The following TRPM3 variants were observed in gnomAD, a reference collection of about 807,000 sequenced individuals.
TRPM3 encodes transient receptor potential cation channel subfamily M member 3.
TRPM3 carries 77 observed loss-of-function variants against 181.2 expected under a neutral mutation model. The observed-to-expected ratio is 0.42, with a 90% CI of 0.35 to 0.51. The LOEUF (loss-of-function observed/expected upper bound fraction) is 0.51, where lower values mean the gene tolerates loss of function less well. Among genes scored for constraint, TRPM3 ranks in the 20% least tolerant of loss-of-function variants. TRPM3 has a pLI of 0.01. For synonymous variants in TRPM3, 745 were observed against 796.4 expected (o/e 0.94, Z 1.09); for missense variants, 1,759 against 2,196.7 (o/e 0.80, Z 3.98).
At chr9:71,032,533 T>C (rs563249578) in intron 1 of TRPM3, among the ~76,000 whole-genome samples, 1 of 152,200 alleles carries the variant, frequency 6.6e-6, no homozygotes, top group South Asian at 2.1e-4. Flanking sequence ...CAATGTATTT[T>C]GAGGTAGTGA....
intron 9 of TRPM3, among the ~76,000 whole-genome samples, chr9:70,663,804 T>C (rs2061443777): frequency 6.6e-6 from 1 of 152,196 alleles, no homozygotes; most frequent in South Asian, 2.1e-4. Context: ...GCAATTCTGA[T>C]CTGTGTCTGG....
intron 1 of TRPM3, among the ~76,000 whole-genome samples, chr9:70,992,470 T>TG (rs2097497628): frequency 6.6e-6 from 1 of 152,200 alleles, no homozygotes; most frequent in African/African-American, 2.4e-5. Flanking sequence ...GGGTACTGTC[T>TG]GGGGATTCAG....
rs1056632445 is a variant in TRPM3, at chr9:70,927,897, G to A, written c.178-63386C>T. 1.9e-4 allele frequency among the ~76,000 whole-genome samples: 29 copies of A among 152,094 alleles called. 1 individual carries two copies. The highest frequency in any genetic ancestry group is 7.0e-4 in the African/African-American group (29 of 41,414). On this transcript the variant is annotated intron_variant, in intron 1 of 25. Coordinates refer to ENST00000677713, the MANE Select transcript of TRPM3 (RefSeq NM_001366145.2). Reference sequence around the variant, plus strand: ...AGCTTTCTTACTTCCCACCAATTAAGTTTCTAATAACACCTATAGGCAATC... The same window carrying A: ...AGCTTTCTTACTTCCCACCAATTAAATTTCTAATAACACCTATAGGCAATC...
intron 1 of TRPM3, among the ~76,000 whole-genome samples, chr9:71,256,998 G>T (rs1204525216): frequency 6.6e-6 from 1 of 152,072 alleles, no homozygotes; most frequent in East Asian, 1.9e-4. Context: ...ATCTTACAAC[G>T]AAGAACCCTA....
chr9:71,311,466 T>C (rs1365789255), intron 1 of TRPM3, among the ~76,000 whole-genome samples: 7 of 152,122 alleles, frequency 4.6e-5, no homozygotes, highest in African/African-American at 1.7e-4. Context: ...CACATCAATA[T>C]AGTCAGCTGA....
chr9:70,878,022 G>A (rs1001232179), intron 1 of TRPM3, among the ~76,000 whole-genome samples: 2 of 151,886 alleles, frequency 1.3e-5, no homozygotes, highest in African/African-American at 4.8e-5. Flanking sequence ...ACACACTGAT[G>A]TGCACATTAA....
chr9:71,127,513 C>G (rs754496487), intron 1 of TRPM3, among the ~76,000 whole-genome samples: 1 of 152,188 alleles, frequency 6.6e-6, no homozygotes, highest in Non-Finnish European at 1.5e-5. Flanking sequence ...TAAGTGCCTC[C>G]TCTTACCCAC....
At chr9:70,774,847 G>A (rs952697483) in intron 7 of TRPM3, 6 of 149,330 alleles carry the variant, frequency 4.0e-5, no homozygotes, top group East Asian at 1.9e-4. Flanking sequence ...AATTAGGATA[G>A]TGCAAAAAGA....
At chr9:71,106,912 C>A (rs1187013591) in intron 1 of TRPM3, among the ~76,000 whole-genome samples, 1 of 152,124 alleles carries the variant, frequency 6.6e-6, no homozygotes, top group Admixed American at 6.5e-5. Flanking sequence ...TACAGTGTAA[C>A]CCTCTTAATA....
At chr9:70,683,636 TGTGATCTCTGGTAA>T (rs2066054550) in intron 8 of TRPM3, among the ~76,000 whole-genome samples, 2 of 152,094 alleles carry the variant, frequency 1.3e-5, no homozygotes, top group South Asian at 4.2e-4. Context: ...AGGTTATAGT[TGTGATCTCTGGTAA>T]GGGCCGTCAG....
chr9:71,444,745 A>T (rs899086621), intron 1 of TRPM3, among the ~76,000 whole-genome samples: 1 of 152,050 alleles, frequency 6.6e-6, no homozygotes, highest in Non-Finnish European at 1.5e-5. Flanking sequence ...TGAAGTCAAA[A>T]CTCTTTGTTA....
At chr9:70,813,917 C>G (rs2092416531) in intron 6 of TRPM3, among the ~76,000 whole-genome samples, 1 of 152,190 alleles carries the variant, frequency 6.6e-6, no homozygotes, top group Non-Finnish European at 1.5e-5. Flanking sequence ...TCAATCAACA[C>G]TAGTTGTTAT....
chr9:71,132,100 G>A (rs1012565661), intron 1 of TRPM3, among the ~76,000 whole-genome samples: 7 of 152,154 alleles, frequency 4.6e-5, no homozygotes, highest in African/African-American at 9.7e-5. Context: ...AATAGAAACC[G>A]ATGTTGATGC....
At chr9:71,096,590 A>ACACACACACT (rs1452142664) in intron 1 of TRPM3, among the ~76,000 whole-genome samples, 131 of 90,026 alleles carry the variant, frequency 1.5e-3, no homozygotes, top group East Asian at 0.01. Context: ...ACACACACAC[A>ACACACACACT]CTCTCTCTCT....
At chr9:70,572,327 G>A (rs923782163) in intron 22 of TRPM3, among the ~76,000 whole-genome samples, 8 of 152,098 alleles carry the variant, frequency 5.3e-5, no homozygotes, top group African/African-American at 1.4e-4. Context: ...CCCAGTCTCC[G>A]TTAATGCTAA....
chr9:70,871,246 A>T (rs1016456244), intron 1 of TRPM3, among the ~76,000 whole-genome samples: 3 of 151,966 alleles, frequency 2.0e-5, no homozygotes, highest in African/African-American at 2.4e-5. Flanking sequence ...TTGATTGTAG[A>T]TAATATTCTC....
intron 6 of TRPM3, among the ~76,000 whole-genome samples, chr9:70,784,494 C>T (rs999723594): frequency 1.3e-5 from 2 of 152,086 alleles, no homozygotes; most frequent in Non-Finnish European, 2.9e-5. Flanking sequence ...TTGCCCTCTC[C>T]CCTCAACTCT....
At chr9:70,577,911 G>T (rs1171545490) in intron 22 of TRPM3, among the ~76,000 whole-genome samples, 2 of 152,164 alleles carry the variant, frequency 1.3e-5, no homozygotes, top group Non-Finnish European at 2.9e-5. Context: ...TGAAGTACTT[G>T]TCAGCAACCG....
In TRPM3 at chr9:71,347,343, C is replaced by T. The variant is rs1036911312; in HGVS notation, c.183+99310G>A. Among the ~76,000 whole-genome samples the T allele has an allele frequency of 6.6e-5, 10 of 152,154 alleles. 1 individual carries two copies. Among genetic ancestry groups the T allele is most frequent in the Non-Finnish European group, 1.5e-5 (1 of 68,024 alleles). On this transcript the variant is annotated intron_variant, in intron 1 of 24. Coordinates refer to the TRPM3 transcript ENST00000357533. ...CTCATAAGCATCTGCAGTTTTCCCC[C>T]GCAAAGAGTTGAGGTTTTCTTGTTT...
Sources: allele counts gnomAD v4.1 joint callset (sites outside exome capture counted in the v4.1 genomes callset), GRCh38; gene constraint gnomAD v4.1.1; transcripts MANE v1.5; gene names NCBI Gene and HGNC (gene_info 2026-07-23, HGNC 2026-07-21).